The following RIC1 variants were observed in gnomAD, a reference collection of about 807,000 sequenced individuals.
RIC1 encodes guanine nucleotide exchange factor subunit RIC1.
RIC1 carries 88 observed loss-of-function variants against 169.0 expected under a neutral mutation model. The ratio of observed to expected loss-of-function variants is 0.52; its 90% CI spans 0.44 to 0.62. The LOEUF (loss-of-function observed/expected upper bound fraction) is 0.62, where lower values mean the gene tolerates loss of function less well. RIC1 is among the 20% of genes least tolerant of loss of function. The pLI, the probability that RIC1 is intolerant of heterozygous loss-of-function variation, is 0.00. For synonymous variants in RIC1, 790 were observed against 601.5 expected, an observed-to-expected ratio of 1.31 and a Z score of -4.59; for missense variants, 1,877 against 1,725.5, an observed-to-expected ratio of 1.09 and a Z score of -1.56.
At position 5,720,892 on chromosome 9, in the gene RIC1, A is replaced by G. The variant is rs73392683; in HGVS notation, c.720+142A>G. The G allele has an allele frequency of 3.2e-3, 2,221 of 702,232 alleles. 38 individuals carry two copies. Among genetic ancestry groups the G allele is most frequent in the African/African-American group, 0.027 (1,421 of 53,320 alleles). The allele number at this position is 702,232 out of a possible 1,614,324, so 43.5% of individuals were successfully genotyped here. A position where few individuals can be genotyped will look rare whatever the true frequency, so the allele number is the denominator to read the frequency against. ...TAATCAAACCAAACATATAAATAGT[A>G]TAAGTAGACAAAATTCTCTTGGACA... On this transcript the variant is annotated intron_variant, in intron 6 of 25. Transcript: ENST00000414202.
At chr9:5,636,196 T>C (rs1247537672) in intron 1 of RIC1, among the ~76,000 whole-genome samples, 1 of 152,264 alleles carries the variant, frequency 6.6e-6, no homozygotes, top group Non-Finnish European at 1.5e-5. Flanking sequence ...ACATAAGATA[T>C]CCAGCCATTT....
chr9:5,753,320 G>T, intron 13 of RIC1, 82 bp downstream of exon 13: 1 of 1,215,534 alleles, frequency 8.2e-7, no homozygotes, highest in Non-Finnish European at 1.2e-6. Context: ...CCTTCAGTGG[G>T]TGTACTGAGA....
intron 2 of RIC1, among the ~76,000 whole-genome samples, chr9:5,680,648 G>A (rs201925448): frequency 5.3e-5 from 8 of 151,764 alleles, no homozygotes; most frequent in African/African-American, 9.7e-5. Flanking sequence ...AGGTGTTTAT[G>A]GTATTCTCTG....
At chr9:5,726,199 T>C in intron 6 of RIC1, among the ~76,000 whole-genome samples, 1 of 152,214 alleles carries the variant, frequency 6.6e-6, no homozygotes, top group Non-Finnish European at 1.5e-5. Flanking sequence ...AGTCTCTTTG[T>C]AGGTCTCTAA....
At position 5,629,183 on chromosome 9, in the gene RIC1, A is replaced by C; in HGVS notation, c.-127A>C. Reference sequence around the variant, plus strand: ...GCCCGGCCCGGCCAGGCCAGCGGGCAGATGCCCCGAGCTGCCGCCGCCGCC... The same window carrying C: ...GCCCGGCCCGGCCAGGCCAGCGGGCCGATGCCCCGAGCTGCCGCCGCCGCC... On this transcript the variant is annotated 5_prime_UTR_variant, in exon 1 of 26. Coordinates refer to ENST00000414202, the MANE Select transcript of RIC1 (RefSeq NM_020829.4). 1.1e-6 allele frequency: 1 copy of C among 928,486 alleles called. No homozygotes were observed. The highest frequency in any genetic ancestry group is 1.4e-6 in the Non-Finnish European group (1 of 703,032). 57.5% of individuals were successfully genotyped at this position (928,486 alleles called of 1,614,324 possible).
rs376802936 is a variant in RIC1, at chr9:5,675,412, G to A, written c.253-14547G>A. Among the ~76,000 whole-genome samples the A allele has an allele frequency of 6.0e-4, 91 of 152,200 alleles. 3 individuals are homozygous for A. In the South Asian group the frequency reaches 0.018, roughly 30 times the overall value. On this transcript the variant is annotated intron_variant, in intron 2 of 25. Transcript: ENST00000414202. ...AAAGAATTGAACTTACTGACATATC[G>A]ATTCTTTGAAGAGAAACTTAGAACT...
At chr9:5,736,697 G>A (rs572164373) in intron 7 of RIC1, among the ~76,000 whole-genome samples, 1 of 152,220 alleles carries the variant, frequency 6.6e-6, no homozygotes, top group South Asian at 2.1e-4. Context: ...TTCTAGAGGT[G>A]AAAACTATGA....
At chr9:5,678,477 G>A (rs1234851832) in intron 2 of RIC1, among the ~76,000 whole-genome samples, 1 of 151,806 alleles carries the variant, frequency 6.6e-6, no homozygotes, top group African/African-American at 2.4e-5. Context: ...GTGTAAAACT[G>A]TTCCTATTTC....
At chr9:5,670,984 C>T (rs1586916049) in intron 2 of RIC1, among the ~76,000 whole-genome samples, 1 of 152,064 alleles carries the variant, frequency 6.6e-6, no homozygotes, top group East Asian at 1.9e-4. Flanking sequence ...ACGTGGAGCC[C>T]TCCGCCGTCA....
In RIC1 at chr9:5,718,878, A is replaced by G. The variant is rs1270965388; in HGVS notation, c.441-1304A>G. On this transcript the variant is annotated intron_variant, in intron 4 of 25. Coordinates refer to ENST00000414202, the MANE Select transcript of RIC1 (RefSeq NM_020829.4). ...TTTTTATAGTTGGGGAAAAAACAGC[A>G]AATTCTACATTAGCTGAAATCTTTG... is the stretch of plus-strand genomic sequence containing the variant. 3.3e-5 allele frequency: 5 copies of G among 152,308 alleles called. No individual in the cohort carries two copies. In the East Asian group the frequency reaches 9.6e-4, roughly 29 times the overall value. 9.4% of individuals were successfully genotyped at this position (152,308 alleles called of 1,614,324 possible).
intron 1 of RIC1, among the ~76,000 whole-genome samples, chr9:5,641,087 G>A (rs1035197900): frequency 6.7e-6 from 1 of 150,318 alleles, no homozygotes; most frequent in African/African-American, 2.5e-5. Context: ...GATGCCATAA[G>A]GTAGTCTTCT....
chr9:5,639,345 C>T (rs1818125410), intron 1 of RIC1, among the ~76,000 whole-genome samples: 1 of 152,258 alleles, frequency 6.6e-6, no homozygotes, highest in African/African-American at 2.4e-5. Flanking sequence ...TTCTTAATTT[C>T]TGCACTGACC....
At position 5,763,932 on chromosome 9, in the gene RIC1, G is replaced by T; in HGVS notation, c.2841+64G>T. On this transcript the variant is annotated intron_variant, in intron 19 of 25. Transcript: ENST00000414202. The surrounding 1 kb of genome is among the most constrained non-coding windows in gnomAD (Gnocchi z 5.2). Reference sequence around the variant, plus strand: ...AGCTTAAACTTAGAAAAATAGAAATGTCCTGTTTTGACACCATGATTGTGT... The same window carrying T: ...AGCTTAAACTTAGAAAAATAGAAATTTCCTGTTTTGACACCATGATTGTGT... 2.7e-6 allele frequency: 4 copies of T among 1,491,554 alleles called. No homozygotes were observed. Among genetic ancestry groups the T allele is most frequent in the Non-Finnish European group, 3.6e-6 (4 of 1,110,202 alleles). 92.4% of individuals were successfully genotyped at this position (1,491,554 alleles called of 1,614,324 possible).
intron 1 of RIC1, among the ~76,000 whole-genome samples, chr9:5,653,796 C>T (rs1818937887): frequency 6.6e-6 from 1 of 151,978 alleles, no homozygotes; most frequent in Non-Finnish European, 1.5e-5. Context: ...TGGGGTTTCA[C>T]TGTGTTGGCC....
At chr9:5,769,579 TAGAC>T in intron 22 of RIC1, 1 of 742,784 alleles carries the variant, frequency 1.3e-6, no homozygotes, top group Non-Finnish European at 2.0e-6. Context: ...TGGAATCAGA[TAGAC>T]ATGGACCTCA....
intron 3 of RIC1, among the ~76,000 whole-genome samples, chr9:5,692,823 C>T (rs930223664): frequency 1.3e-5 from 2 of 151,856 alleles, no homozygotes; most frequent in Non-Finnish European, 2.9e-5. Context: ...CATTATAAAC[C>T]CTTCTGTAGT....
rs187635299 is a variant in RIC1, at chr9:5,716,166, C to T, written c.440+2163C>T. Among the ~76,000 whole-genome samples the T allele has an allele frequency of 4.6e-4, 69 of 151,498 alleles. 2 individuals carry two copies. The highest frequency in any genetic ancestry group is 4.3e-3 in the Admixed American group (65 of 15,186). ...AGCCAAGATCCTAAATTTAAACATA[C>T]ATTTAACACACACGCACACCTGGGA... On this transcript the variant is annotated intron_variant, in intron 4 of 25. Coordinates refer to ENST00000414202, the MANE Select transcript of RIC1 (RefSeq NM_020829.4).
intron 2 of RIC1, among the ~76,000 whole-genome samples, chr9:5,685,632 G>A (rs1245919505): frequency 1.3e-5 from 2 of 151,370 alleles, no homozygotes; most frequent in African/African-American, 4.9e-5. Context: ...AATTCAAGAT[G>A]GATTAAAGAT....
At chr9:5,746,183 T>A (rs1331281375) in intron 11 of RIC1, 100 bp downstream of exon 11, 1 of 758,428 alleles carries the variant, frequency 1.3e-6, no homozygotes, top group Non-Finnish European at 2.0e-6. Flanking sequence ...AAAATTGGCA[T>A]ATTATCTTCT....
Sources: allele counts gnomAD v4.1 joint callset (sites outside exome capture counted in the v4.1 genomes callset), GRCh38; gene constraint gnomAD v4.1.1; non-coding constraint Gnocchi (gnomAD v3.1); transcripts MANE v1.5; gene names NCBI Gene and HGNC (gene_info 2026-07-23, HGNC 2026-07-21).